SPRED1: variants seen among roughly 807,000 people sequenced by gnomAD.
SPRED1 encodes sprouty related EVH1 domain containing 1.
Under a neutral mutation model 52.3 loss-of-function variants are expected in SPRED1, and 18 were observed. The ratio of observed to expected loss-of-function variants is 0.34; its 90% confidence interval spans 0.24 to 0.51. SPRED1 has a LOEUF of 0.51. SPRED1 is among the 20% of genes least tolerant of loss of function. The pLI is 0.97. For missense variants in SPRED1, 485 were observed against 551.0 expected, an observed-to-expected ratio of 0.88 and a Z score of 1.20; for synonymous variants, 155 against 179.7, an observed-to-expected ratio of 0.86 and a Z score of 1.10.
At chr15:38,334,384 T>C (rs1895867152) in intron 4 of SPRED1, among the ~76,000 whole-genome samples, 3 of 152,016 alleles carry the variant, frequency 2.0e-5, no homozygotes. Context: ...ATGTTCACTT[T>C]CCTTAAGTTG....
At chr15:38,344,217 A>T (rs1252462285) in intron 5 of SPRED1, among the ~76,000 whole-genome samples, 1 of 152,132 alleles carries the variant, frequency 6.6e-6, no homozygotes, top group Non-Finnish European at 1.5e-5. Context: ...CATAGGAGAG[A>T]GTGGAAGTAT....
intron 2 of SPRED1, among the ~76,000 whole-genome samples, chr15:38,321,786 G>C (rs376512614): frequency 6.6e-6 from 1 of 152,004 alleles, no homozygotes; most frequent in Non-Finnish European, 1.5e-5. Flanking sequence ...GTAGAGATGG[G>C]GTTTCACCAT....
intron 5 of SPRED1, among the ~76,000 whole-genome samples, chr15:38,344,046 GA>G (rs1896081286): frequency 6.6e-6 from 1 of 152,166 alleles, no homozygotes; most frequent in Non-Finnish European, 1.5e-5. Flanking sequence ...ATTTTCGCTA[GA>G]GATTTTGAGA....
At chr15:38,254,872 A>G (rs1002420750) in intron 1 of SPRED1, among the ~76,000 whole-genome samples, 8 of 152,238 alleles carry the variant, frequency 5.3e-5, no homozygotes, top group African/African-American at 1.9e-4. Context: ...TATTTAGGAG[A>G]AGAACTGCTA....
chr15:38,278,811 T>A (rs1484280311), intron 1 of SPRED1, among the ~76,000 whole-genome samples: 1 of 146,390 alleles, frequency 6.8e-6, no homozygotes, highest in Non-Finnish European at 1.5e-5. Flanking sequence ...ACACAACCAT[T>A]ATAACCTAAC....
rs550873065 is a variant in SPRED1, at chr15:38,289,912, T to C, written c.33-9461T>C. Among the ~76,000 whole-genome samples, 3 of 152,312 alleles carry C rather than the reference T, an allele frequency of 2.0e-5. No homozygotes were observed. The East Asian group carries it at 5.8e-4, about 29-fold the overall frequency. ...TGTAAGCCGCTAAGTTTGTGGTAGTTGTTAGGACAGCAATAAAAAGCTAAT... is the reference window on the plus strand; with the variant it reads ...TGTAAGCCGCTAAGTTTGTGGTAGTCGTTAGGACAGCAATAAAAAGCTAAT... On this transcript the variant is annotated intron_variant, in intron 1 of 6. Transcript: ENST00000299084.
intron 5 of SPRED1, among the ~76,000 whole-genome samples, chr15:38,345,031 A>C (rs1031516385): frequency 6.6e-6 from 1 of 152,200 alleles, no homozygotes; most frequent in Admixed American, 6.5e-5. Flanking sequence ...AATAAAACAC[A>C]GTTCCATTCA....
chr15:38,350,885 C>A, intron 6 of SPRED1, 129 bp from the exon 7 acceptor site: 1 of 987,844 alleles, frequency 1.0e-6, no homozygotes, highest in Non-Finnish European at 1.5e-6. Flanking sequence ...TTGATCTCAT[C>A]CCAAAAACAT....
chr15:38,322,906 G>C (rs2140995284), intron 3 of SPRED1, among the ~76,000 whole-genome samples: 1 of 152,154 alleles, frequency 6.6e-6, no homozygotes, highest in Admixed American at 6.5e-5. Context: ...CTATTCCTTT[G>C]TTATCTTGCC....
At chr15:38,304,493 T>C (rs1005024874) in intron 2 of SPRED1, among the ~76,000 whole-genome samples, 3 of 152,220 alleles carry the variant, frequency 2.0e-5, no homozygotes, top group African/African-American at 7.2e-5. Flanking sequence ...TATTGTTCCT[T>C]ATTCCCCTTA....
chr15:38,321,007 T>C (rs2051155419), intron 2 of SPRED1, among the ~76,000 whole-genome samples: 1 of 152,190 alleles, frequency 6.6e-6, no homozygotes, highest in South Asian at 2.1e-4. Flanking sequence ...GAACGTGGTC[T>C]ATGGAACATG....
At chr15:38,301,300 G>A (rs1383056566) in intron 2 of SPRED1, among the ~76,000 whole-genome samples, 3 of 152,106 alleles carry the variant, frequency 2.0e-5, no homozygotes, top group Non-Finnish European at 4.4e-5. Context: ...CCCTATGACA[G>A]CTTAAAAATC....
rs1043430924 is a variant in SPRED1, at chr15:38,356,690, A to T, written c.*5026A>T. On this transcript the variant is annotated 3_prime_UTR_variant, in exon 7 of 7. Transcript: ENST00000299084. The stretch of plus-strand genomic sequence containing the variant: ...TAATGTTATATTTATTGGTTTGGTA[A>T]CATGTTGCAGCTAAGCTAATGACCT... 1 of 152,044 alleles carries T rather than the reference A, an allele frequency of 6.6e-6. No individual in the cohort carries two copies. The highest frequency in any genetic ancestry group is 1.5e-5 in the Non-Finnish European group (1 of 67,960). 9.4% of individuals were successfully genotyped at this position (152,044 alleles called of 1,614,324 possible).
At chr15:38,297,010 A>G (rs1411077543) in intron 1 of SPRED1, among the ~76,000 whole-genome samples, 3 of 152,154 alleles carry the variant, frequency 2.0e-5, no homozygotes, top group South Asian at 2.1e-4. Context: ...AGGTCACAGC[A>G]TTCAAGGTGC....
chr15:38,329,268 C>T lies in SPRED1; in HGVS notation c.423+4459C>T, dbSNP rs145640706. On this transcript the variant is annotated intron_variant, in intron 4 of 6. Coordinates refer to ENST00000299084, the MANE Select transcript of SPRED1 (RefSeq NM_152594.3). ...GAAGTAAAACATTGTCATGTTTTCTCATTTGGCCATTGAGAAGTACGTGAC... is the reference window on the plus strand; with the variant it reads ...GAAGTAAAACATTGTCATGTTTTCTTATTTGGCCATTGAGAAGTACGTGAC... Among the ~76,000 whole-genome samples the T allele has an allele frequency of 3.3e-5, 5 of 152,244 alleles. No individual in the cohort carries two copies. In the East Asian group the frequency reaches 5.8e-4, roughly 18 times the overall value.
chr15:38,309,668 A>T (rs191478857), intron 2 of SPRED1, among the ~76,000 whole-genome samples: 90 of 152,292 alleles, frequency 5.9e-4, no homozygotes, highest in Non-Finnish European at 1.1e-3. Flanking sequence ...CTCTTTCCCT[A>T]GCCATAGGTC....
chr15:38,323,518 C>T lies in SPRED1; in HGVS notation c.376+1109C>T, dbSNP rs75194736. On this transcript the variant is annotated intron_variant, in intron 3 of 6. Transcript: ENST00000299084. ...ATTGAATCTATCTGGGGAATAGAGT[C>T]GAGTCATCCCTTATTTTTCAAAAAC... Among the ~76,000 whole-genome samples, 334 of 151,736 alleles carry T rather than the reference C, an allele frequency of 2.2e-3. 1 individual carries two copies. Among genetic ancestry groups the T allele is most frequent in the African/African-American group, 7.6e-3 (316 of 41,362 alleles).
chr15:38,349,545 T>A, intron 6 of SPRED1, 22 bp downstream of exon 6: 1 of 1,495,762 alleles, frequency 6.7e-7, no homozygotes, highest in African/African-American at 1.4e-5. Flanking sequence ...TAGTTTATCT[T>A]GTGATATGGA....
At chr15:38,282,806 TTGTC>T (rs1595723943) in intron 1 of SPRED1, among the ~76,000 whole-genome samples, 1 of 152,182 alleles carries the variant, frequency 6.6e-6, no homozygotes, top group Admixed American at 6.5e-5. Context: ...TATTTCTTCA[TTGTC>T]TGTTTTTTCT....
Sources: gnomAD v4.1 joint callset for allele counts (sites outside exome capture counted in the v4.1 genomes callset) on GRCh38, gnomAD v4.1.1 for gene constraint, MANE v1.5 for transcripts, NCBI Gene and HGNC (gene_info 2026-07-23, HGNC 2026-07-21) for gene names.